PYGB: variants seen among roughly 807,000 people sequenced by gnomAD.
The protein encoded by PYGB is glycogen phosphorylase B, also known as glycogen phosphorylase, brain form.
In PYGB, 82 loss-of-function variants were observed where a neutral mutation model predicts 94.3. That is an observed-to-expected ratio of 0.87 (90% CI 0.73 to 1.04). The LOEUF is 1.04. Ranked by LOEUF, PYGB falls within the 50% of genes least tolerant of loss-of-function variation. The pLI, the probability that PYGB is intolerant of heterozygous loss-of-function variation, is 0.00. For synonymous variants in PYGB, 488 were observed against 479.1 expected, an observed-to-expected ratio of 1.02 and a Z score of -0.24; for missense variants, 1,132 against 1,158.2, an observed-to-expected ratio of 0.98 and a Z score of 0.33.
At position 25,265,871 on chromosome 20, in the gene PYGB, AG is replaced by A. The variant is rs2088213544; in HGVS notation, c.346-3256del. Among the ~76,000 whole-genome samples the A allele has an allele frequency of 2.0e-5, 3 of 152,248 alleles. No individual in the cohort carries two copies. The South Asian group carries it at 6.2e-4, about 31-fold the overall frequency. ...TGGCCTTCCAAAGTGCTGGGATTAC[AG>A]GCGTGAGCCACCATGCCCGGCCGAT... On this transcript the variant is annotated intron_variant, in intron 2 of 19. Transcript: ENST00000216962.
rs1236447319 is a variant in PYGB at position 25,287,880 on chromosome 20, C to T, written c.1769-545C>T. ...CCTAGGATCCCAGCTACTCAGGAGG[C>T]TGAGGTGGGAGGATTGCTTGAACCT... On this transcript the variant is annotated intron_variant, in intron 14 of 19. Transcript: ENST00000216962. Among the ~76,000 whole-genome samples, 61 of 151,970 alleles carry T rather than the reference C, an allele frequency of 4.0e-4. 1 individual carries two copies. Among genetic ancestry groups the T allele is most frequent in the Admixed American group, 4.0e-3 (61 of 15,258 alleles).
intron 10 of PYGB, 34 bp from the exon 11 acceptor site, chr20:25,280,915 T>G (rs746581073): frequency 1.2e-6 from 2 of 1,608,706 alleles, no homozygotes; most frequent in Non-Finnish European, 1.7e-6. Flanking sequence ...GGGCCTCCTG[T>G]GCCCACCCAC....
At chr20:25,274,818 G>T (rs1317187101) in intron 5 of PYGB, 95 bp downstream of exon 5, 1 of 1,503,812 alleles carries the variant, frequency 6.6e-7, no homozygotes, top group African/African-American at 1.4e-5. Context: ...TTGGCTTGGG[G>T]GGCTTGCTGC....
chr20:25,296,706 A>G lies in PYGB; in HGVS notation c.*184A>G, dbSNP rs202015775. 6 of 777,650 alleles carry G rather than the reference A, an allele frequency of 7.7e-6. No individual in the cohort carries two copies. The highest frequency in any genetic ancestry group is 7.9e-6 in the Non-Finnish European group (4 of 505,606). The allele number at this position is 777,650 out of a possible 1,614,324, so 48.2% of individuals were successfully genotyped here. A position where few individuals can be genotyped will look rare whatever the true frequency, so the allele number is the denominator to read the frequency against. On this transcript the variant is annotated 3_prime_UTR_variant, in exon 20 of 20. Transcript: ENST00000216962. ...CAGGGTAAGGAAGGAATGTGCTAGAAGTGCTCCTAGTTTCTTGTAAAGGAA... is the reference window on the plus strand; with the variant it reads ...CAGGGTAAGGAAGGAATGTGCTAGAGGTGCTCCTAGTTTCTTGTAAAGGAA...
intron 1 of PYGB, among the ~76,000 whole-genome samples, chr20:25,255,473 T>TG (rs911054744): frequency 3.8e-4 from 58 of 152,198 alleles, no homozygotes; most frequent in African/African-American, 1.4e-3. Flanking sequence ...GCTGGCTCAG[T>TG]GGCCTGTGTT....
chr20:25,249,191 C>T (rs1184400398), intron 1 of PYGB, among the ~76,000 whole-genome samples: 2 of 152,152 alleles, frequency 1.3e-5, no homozygotes, highest in Non-Finnish European at 2.9e-5. Context: ...TTTTGGTATT[C>T]CTAAATATAC....
chr20:25,266,743 C>T (rs773330076), intron 2 of PYGB, among the ~76,000 whole-genome samples: 1 of 152,158 alleles, frequency 6.6e-6, no homozygotes, highest in Non-Finnish European at 1.5e-5. Context: ...ATGATATCCA[C>T]ATAGCACAAA....
chr20:25,290,387 G>C, intron 15 of PYGB, 94 bp from the exon 16 acceptor site: 1 of 1,492,340 alleles, frequency 6.7e-7, no homozygotes, highest in Non-Finnish European at 9.2e-7. Context: ...TGTGGCTCTA[G>C]CCTCACCCCC....
rs1432167663 is a variant in PYGB, at chr20:25,279,088, C to T, written c.1031C>T (p.Ala344Val). Residue 344 changes from alanine to valine, a missense_variant, in exon 9 of 20, where the codon GCC becomes GTC. Ala to Val is a moderately conservative substitution (Grantham distance 64). Coordinates refer to ENST00000216962, the MANE Select transcript of PYGB (RefSeq NM_002862.4). Reference sequence around the variant, plus strand: ...ATCCAGCTGAACGACACCCACCCCGCCCTCTCCATCCCTGAGCTCATGCGG... The same window carrying T: ...ATCCAGCTGAACGACACCCACCCCGTCCTCTCCATCCCTGAGCTCATGCGG... ...VAIQLNDTHP[A>V]LSIPELMRIL... 4 of 1,613,810 alleles carry T rather than the reference C, an allele frequency of 2.5e-6. No homozygotes were observed. The highest frequency in any genetic ancestry group is 3.4e-6 in the Non-Finnish European group (4 of 1,179,848).
At chr20:25,289,646 CAAAAAAAAGAA>C (rs1249163819) in intron 15 of PYGB, among the ~76,000 whole-genome samples, 2 of 144,242 alleles carry the variant, frequency 1.4e-5, no homozygotes, top group Non-Finnish European at 3.0e-5. Context: ...CCTGTCTCAG[CAAAAAAAAGAA>C]AAAAAAAAGA....
chr20:25,297,311 GA>G lies in PYGB; in HGVS notation c.*792del, dbSNP rs1176167322. The G allele has an allele frequency of 6.6e-6, 1 of 152,304 alleles. No individual in the cohort carries two copies. Among genetic ancestry groups the G allele is most frequent in the African/African-American group, 2.4e-5 (1 of 41,476 alleles). 9.4% of individuals were successfully genotyped at this position (152,304 alleles called of 1,614,324 possible). A position where few individuals can be genotyped will look rare whatever the true frequency, so the allele number is the denominator to read the frequency against. Reference sequence around the variant, plus strand: ...AGAGAAAATAACTACACATGGAAATGAAACTAGCTGAAGCCTTTTCTTGTTT... The same window carrying G: ...AGAGAAAATAACTACACATGGAAATGAACTAGCTGAAGCCTTTTCTTGTTT... On this transcript the variant is annotated 3_prime_UTR_variant, in exon 20 of 20. Transcript: ENST00000216962.
Position 25,292,646 on chromosome 20 carries a change from G to A in PYGB, c.2177+33G>A, listed in dbSNP as rs375442075. Reference sequence around the variant, plus strand: ...CCTGTGCCCCTGGGCACCTGGCACCGTGAGGATGGAGAATGAAGGGTGTTG... The same window carrying A: ...CCTGTGCCCCTGGGCACCTGGCACCATGAGGATGGAGAATGAAGGGTGTTG... On this transcript the variant is annotated intron_variant, in intron 17 of 19. Transcript: ENST00000216962. 5.6e-6 allele frequency: 9 copies of A among 1,598,772 alleles called. No homozygotes were observed. The African/African-American group carries it at 6.7e-5, about 12-fold the overall frequency.
chr20:25,278,984 C>T (rs2088340382), intron 8 of PYGB, 73 bp from the exon 9 acceptor site: 13 of 1,445,646 alleles, frequency 9.0e-6, no homozygotes, highest in Non-Finnish European at 1.2e-5. Flanking sequence ...ACTTGGGGAG[C>T]TTCGTATGCC....
At chr20:25,254,716 C>A (rs566743305) in intron 1 of PYGB, among the ~76,000 whole-genome samples, 1 of 152,178 alleles carries the variant, frequency 6.6e-6, no homozygotes, top group Non-Finnish European at 1.5e-5. Flanking sequence ...GTCCAGATCA[C>A]TTAGTGTAAG....
intron 2 of PYGB, among the ~76,000 whole-genome samples, chr20:25,262,349 A>C (rs1167669900): frequency 3.3e-5 from 5 of 152,260 alleles, no homozygotes; most frequent in South Asian, 4.1e-4. Flanking sequence ...AAGAATTTTC[A>C]ACCCAGAATT....
At chr20:25,295,214 TG>T (rs2088521697) in intron 18 of PYGB, among the ~76,000 whole-genome samples, 1 of 152,236 alleles carries the variant, frequency 6.6e-6, no homozygotes, top group Admixed American at 6.5e-5. Flanking sequence ...AGACGGCAAA[TG>T]GAGATGCCGT....
At chr20:25,287,388 T>C (rs2088427463) in intron 14 of PYGB, among the ~76,000 whole-genome samples, 1 of 152,244 alleles carries the variant, frequency 6.6e-6, no homozygotes, top group Non-Finnish European at 1.5e-5. Flanking sequence ...CTCACCCCTG[T>C]AATCCCAGTG....
rs868280851 is a variant in PYGB at position 25,248,509 on chromosome 20, C to T, written c.243+88C>T. On this transcript the variant is annotated intron_variant, in intron 1 of 19. Coordinates refer to ENST00000216962, the MANE Select transcript of PYGB (RefSeq NM_002862.4). ...GCCAGCGGGGGTCTCTGCGGGGCGG[C>T]CCGTCGGGCGTTACCTGCGCCCCTA... is the stretch of plus-strand genomic sequence containing the variant. 41 of 1,259,194 alleles carry T rather than the reference C, an allele frequency of 3.3e-5. No individual in the cohort carries two copies. In the Middle Eastern group the frequency reaches 1.5e-3, roughly 46 times the overall value. 78.0% of individuals were successfully genotyped at this position (1,259,194 alleles called of 1,614,324 possible). A position where few individuals can be genotyped will look rare whatever the true frequency, so the allele number is the denominator to read the frequency against.
intron 1 of PYGB, among the ~76,000 whole-genome samples, chr20:25,251,760 A>T (rs931920406): frequency 6.6e-6 from 1 of 152,230 alleles, no homozygotes; most frequent in Admixed American, 6.5e-5. Context: ...GCACCCCTGC[A>T]GTGGATGTAA....
Sources: gnomAD v4.1 joint callset for allele counts (sites outside exome capture counted in the v4.1 genomes callset) on GRCh38, gnomAD v4.1.1 for gene constraint, MANE v1.5 for transcripts, NCBI Gene and HGNC (gene_info 2026-07-23, HGNC 2026-07-21) for gene names.